Variants in BACE2 observed in about 807,000 individuals in gnomAD.
BACE2 encodes 56 kDa aspartic-like protease.
A neutral mutation model predicts 46.2 loss-of-function variants in BACE2; 17 were observed. That is an observed-to-expected ratio of 0.37 (90% CI 0.25 to 0.55). BACE2 has a LOEUF of 0.55. Ranked by LOEUF, BACE2 falls within the 20% of genes least tolerant of loss-of-function variation. The pLI is 0.82. For synonymous variants in BACE2, 277 were observed against 295.9 expected, an observed-to-expected ratio of 0.94 and a Z score of 0.66; for missense variants, 595 against 698.1, an observed-to-expected ratio of 0.85 and a Z score of 1.66.
chr21:41,187,436 A>G (rs1465934037), intron 1 of BACE2, among the ~76,000 whole-genome samples: 3 of 152,336 alleles, frequency 2.0e-5, no homozygotes, highest in South Asian at 4.1e-4. Flanking sequence ...TGCTAGAACC[A>G]TGGCTGGCAC....
intron 1 of BACE2, among the ~76,000 whole-genome samples, chr21:41,169,246 A>G (rs1984507549): frequency 6.6e-6 from 1 of 151,884 alleles, no homozygotes; most frequent in African/African-American, 2.4e-5. Flanking sequence ...GGAGCGATGC[A>G]TCTACACGCG....
intron 8 of BACE2, among the ~76,000 whole-genome samples, chr21:41,258,139 G>C (rs567334957): frequency 6.6e-6 from 1 of 151,774 alleles, no homozygotes; most frequent in South Asian, 2.1e-4. Context: ...AAGATGTCAA[G>C]AGACTGAAAA....
intron 1 of BACE2, among the ~76,000 whole-genome samples, chr21:41,188,137 G>A (rs1173192952): frequency 6.6e-6 from 1 of 152,108 alleles, no homozygotes; most frequent in African/African-American, 2.4e-5. Flanking sequence ...AGGAGAGAAG[G>A]CAGTGTCATT....
intron 1 of BACE2, among the ~76,000 whole-genome samples, chr21:41,208,201 G>A (rs2123541038): frequency 6.6e-6 from 1 of 152,354 alleles, no homozygotes; most frequent in African/African-American, 2.4e-5. Flanking sequence ...CCTTTCTAAG[G>A]GTGGTGGCCT....
intron 1 of BACE2, among the ~76,000 whole-genome samples, chr21:41,192,014 A>AGT (rs1985588711): frequency 6.6e-6 from 1 of 152,208 alleles, no homozygotes. Context: ...CCCATGAATC[A>AGT]GTGTATAATC....
chr21:41,192,264 A>G (rs558779348), intron 1 of BACE2, among the ~76,000 whole-genome samples: 5 of 152,342 alleles, frequency 3.3e-5, no homozygotes, highest in African/African-American at 1.2e-4. Context: ...CCACGAAGCC[A>G]TCAGTGCAGG....
At chr21:41,227,399 C>T (rs186700108) in intron 2 of BACE2, among the ~76,000 whole-genome samples, 12 of 152,266 alleles carry the variant, frequency 7.9e-5, no homozygotes, top group African/African-American at 2.6e-4. Context: ...GAAATAAAGG[C>T]CAGCTCTAGT....
At chr21:41,172,517 C>T (rs1287560399) in intron 1 of BACE2, among the ~76,000 whole-genome samples, 1 of 152,250 alleles carries the variant, frequency 6.6e-6, no homozygotes, top group Non-Finnish European at 1.5e-5. Flanking sequence ...CAGGGCCACA[C>T]TAGTGAAGGC....
chr21:41,244,507 C>G (rs1186351433), intron 5 of BACE2, among the ~76,000 whole-genome samples: 1 of 151,892 alleles, frequency 6.6e-6, no homozygotes, highest in Non-Finnish European at 1.5e-5. Context: ...CCAGGATGAG[C>G]CAGAAGGAAT....
At chr21:41,205,517 C>A (rs953623291) in intron 1 of BACE2, among the ~76,000 whole-genome samples, 8 of 152,136 alleles carry the variant, frequency 5.3e-5, no homozygotes, top group African/African-American at 1.9e-4. Flanking sequence ...CATCTTTGTG[C>A]GTGATTGAAA....
chr21:41,265,963 C>T (rs1255707982), intron 8 of BACE2, among the ~76,000 whole-genome samples: 2 of 152,142 alleles, frequency 1.3e-5, no homozygotes, highest in East Asian at 3.8e-4. Context: ...TCTAGGATAA[C>T]TACCCCCATT....
intron 6 of BACE2, 122 bp downstream of exon 6, chr21:41,246,185 TG>T (rs1987467976): frequency 1.8e-6 from 1 of 564,878 alleles, no homozygotes; most frequent in African/African-American, 1.9e-5. Context: ...ATTTTCATAT[TG>T]TGTATTTGTA....
intron 1 of BACE2, among the ~76,000 whole-genome samples, chr21:41,201,909 T>C (rs1985978579): frequency 6.6e-6 from 1 of 152,222 alleles, no homozygotes; most frequent in Admixed American, 6.5e-5. Flanking sequence ...TTTTCAATGA[T>C]TAAAATTAAA....
chr21:41,252,572 C>T (rs1010955579), intron 7 of BACE2: 1 of 152,180 alleles, frequency 6.6e-6, no homozygotes, highest in African/African-American at 2.4e-5. Context: ...GTTTTCTTAA[C>T]TTCTATTTCG....
At chr21:41,260,814 A>G (rs1014561164) in intron 8 of BACE2, among the ~76,000 whole-genome samples, 3 of 152,220 alleles carry the variant, frequency 2.0e-5, no homozygotes, top group Admixed American at 6.5e-5. Flanking sequence ...GCCAGGAGTC[A>G]TCCGCAGTCA....
At chr21:41,255,456 A>G (rs2123625744) in intron 7 of BACE2, among the ~76,000 whole-genome samples, 1 of 152,354 alleles carries the variant, frequency 6.6e-6, no homozygotes, top group East Asian at 1.9e-4. Flanking sequence ...CCAGGGAGTT[A>G]GGGAGAAGAA....
At position 41,257,345 on chromosome 21, in the gene BACE2, G is replaced by A. The variant is rs779233141; in HGVS notation, c.1303+19G>A. 20 of 1,610,076 alleles carry A rather than the reference G, an allele frequency of 1.2e-5. No individual in the cohort carries two copies. Among genetic ancestry groups the A allele is most frequent in the East Asian group, 4.5e-5 (2 of 44,824 alleles). ...TGTGCAGGTGAGCGATTCTGGCATC[G>A]AACAGGGATCCCCGACAAGAGTCCT... is the stretch of plus-strand genomic sequence containing the variant. On this transcript the variant is annotated intron_variant, in intron 8 of 8. Transcript: ENST00000330333.
At chr21:41,248,344 G>A (rs1415054630) in intron 6 of BACE2, among the ~76,000 whole-genome samples, 2 of 152,222 alleles carry the variant, frequency 1.3e-5, no homozygotes, top group African/African-American at 2.4e-5. Context: ...TGGCTCTGGG[G>A]ACAGTAAGTC....
chr21:41,195,934 T>C (rs1022804717), intron 1 of BACE2, among the ~76,000 whole-genome samples: 3 of 152,140 alleles, frequency 2.0e-5, no homozygotes, highest in Non-Finnish European at 2.9e-5. Flanking sequence ...ATAATTTCTA[T>C]GGAGAGGAAT....
Sources: allele counts gnomAD v4.1 joint callset (sites outside exome capture counted in the v4.1 genomes callset), GRCh38; gene constraint gnomAD v4.1.1; transcripts MANE v1.5; gene names NCBI Gene and HGNC (gene_info 2026-07-23, HGNC 2026-07-21).